ANXA8: variants seen among roughly 807,000 people sequenced by gnomAD.
The protein encoded by ANXA8 is VAC-beta.
In ANXA8, 9 loss-of-function variants were observed where a neutral mutation model predicts 26.8. The ratio of observed to expected loss-of-function variants is 0.34; its 90% CI spans 0.20 to 0.59. The LOEUF (loss-of-function observed/expected upper bound fraction) is 0.59, where lower values mean the gene tolerates loss of function less well. Ranked by LOEUF, ANXA8 falls within the 20% of genes least tolerant of loss-of-function variation. The probability of loss-of-function intolerance (pLI) is 0.84; values close to 1 mark genes in which losing one functional copy is unlikely to be tolerated. For synonymous variants in ANXA8, 39 were observed against 94.8 expected (o/e 0.41, Z 3.42); for missense variants, 83 against 238.5 (o/e 0.35, Z 4.29).
the ANXA8 span, among the ~76,000 whole-genome samples, chr10:47,940,316 G>T: frequency 6.9e-6 from 1 of 144,534 alleles, no homozygotes; most frequent in Non-Finnish European, 1.5e-5. Flanking sequence ...ACAGTAAATT[G>T]GTTTCCACCA....
the ANXA8 span, among the ~76,000 whole-genome samples, chr10:47,637,509 A>C: frequency 6.8e-6 from 1 of 146,122 alleles, no homozygotes; most frequent in Non-Finnish European, 1.5e-5. Context: ...CACTGCTTAG[A>C]ATTTGAAAGC....
the ANXA8 span, among the ~76,000 whole-genome samples, chr10:47,720,449 A>G: frequency 6.8e-6 from 1 of 147,116 alleles, no homozygotes; most frequent in African/African-American, 2.5e-5. Context: ...TGTGGAAGCT[A>G]GTAAGACATT....
the ANXA8 span, chr10:47,502,386 G>A: frequency 1.2e-6 from 2 of 1,609,780 alleles, no homozygotes; most frequent in Non-Finnish European, 1.7e-6. Context: ...GCTCAGTGCA[G>A]GGTAGTGGGG....
chr10:47,577,417 C>T, the ANXA8 span, among the ~76,000 whole-genome samples: 1 of 150,216 alleles, frequency 6.7e-6, no homozygotes, highest in African/African-American at 2.5e-5. Flanking sequence ...GCCTGTGGTC[C>T]TAGCTACTCA....
chr10:47,608,149 C>T, the ANXA8 span, among the ~76,000 whole-genome samples: 1 of 134,614 alleles, frequency 7.4e-6, no homozygotes, highest in Non-Finnish European at 1.6e-5. Context: ...AGTTCTAGAC[C>T]TCTAGAATCC....
chr10:47,905,573 C>T, the ANXA8 span, among the ~76,000 whole-genome samples: 1 of 148,882 alleles, frequency 6.7e-6, no homozygotes, highest in Non-Finnish European at 1.5e-5. Context: ...GAGGTATTTT[C>T]AATTTTTACA....
chr10:47,554,564 AC>A, the ANXA8 span, among the ~76,000 whole-genome samples: 1 of 150,520 alleles, frequency 6.6e-6, no homozygotes, highest in Non-Finnish European at 1.5e-5. Context: ...GCTACTTGGG[AC>A]GCCTACAGAG....
chr10:47,640,991 G>C, the ANXA8 span, among the ~76,000 whole-genome samples: 3 of 133,214 alleles, frequency 2.3e-5, no homozygotes, highest in Non-Finnish European at 4.6e-5. Flanking sequence ...GCATGCACAC[G>C]TAACAGTCTA....
chr10:47,487,299 T>C, upstream of ANXA8: 1 of 990,852 alleles, frequency 1.0e-6, no homozygotes, highest in Non-Finnish European at 1.4e-6. Context: ...TGTCCAGACT[T>C]TCTGCTGCAT....
chr10:47,716,621 ACTC>A, the ANXA8 span, among the ~76,000 whole-genome samples: 2 of 70,674 alleles, frequency 2.8e-5, no homozygotes, highest in Non-Finnish European at 4.9e-5. Flanking sequence ...TCAGAGAAGA[ACTC>A]CTTATTCTTA....
chr10:47,548,018 ATCATT>A, the ANXA8 span, among the ~76,000 whole-genome samples: 1 of 143,218 alleles, frequency 7.0e-6, no homozygotes, highest in South Asian at 2.3e-4. Context: ...GAACTATTCA[ATCATT>A]TCAAGTATAC....
At chr10:47,552,674 T>A in the ANXA8 span, among the ~76,000 whole-genome samples, 7 of 151,926 alleles carry the variant, frequency 4.6e-5, no homozygotes, top group African/African-American at 1.5e-4. Context: ...GGCCAATAAA[T>A]TGGTAGTCAC....
chr10:47,650,499 A>G, the ANXA8 span, among the ~76,000 whole-genome samples: 67 of 151,974 alleles, frequency 4.4e-4, no homozygotes, highest in African/African-American at 1.6e-3. Flanking sequence ...AGAAAAAAGC[A>G]AATAATCCAA....
chr10:47,552,403 TAACG>T, the ANXA8 span, among the ~76,000 whole-genome samples: 1 of 151,696 alleles, frequency 6.6e-6, no homozygotes, highest in Non-Finnish European at 1.5e-5. Context: ...TCGACTGGAC[TAACG>T]AAGTGGTTTC....
chr10:47,733,143 ATCTTTCTTTCTTTCTTTCTTTCTTTCTT>A, the ANXA8 span, among the ~76,000 whole-genome samples: 4 of 98,140 alleles, frequency 4.1e-5, no homozygotes, highest in African/African-American at 1.5e-4. Flanking sequence ...CAACTCCCTA[ATCTTTCTTTCTTTCTTTCTTTCTTTCTT>A]TCTTTCTTTC....
chr10:47,575,311 G>A, the ANXA8 span, among the ~76,000 whole-genome samples: 1 of 76,852 alleles, frequency 1.3e-5, no homozygotes, highest in Non-Finnish European at 3.1e-5. Flanking sequence ...ACAAAAGATT[G>A]TTTTATGATT....
the ANXA8 span, among the ~76,000 whole-genome samples, chr10:47,618,944 T>TTC: frequency 8.7e-6 from 1 of 115,588 alleles, no homozygotes; most frequent in African/African-American, 3.3e-5. Context: ...GCCCTCTTGC[T>TTC]TTAGTAGCTG....
the ANXA8 span, chr10:47,569,598 CTT>C: frequency 1.6e-6 from 1 of 643,426 alleles, no homozygotes; most frequent in Middle Eastern, 2.7e-4. Context: ...ATTTTTGTAT[CTT>C]TTTTTATTTT....
the ANXA8 span, among the ~76,000 whole-genome samples, chr10:47,703,396 T>G: frequency 6.6e-6 from 1 of 150,512 alleles, no homozygotes; most frequent in Non-Finnish European, 1.5e-5. Flanking sequence ...GGCAAAACCC[T>G]GTCTCTACAA....
Sources: gnomAD v4.1 joint callset for allele counts (sites outside exome capture counted in the v4.1 genomes callset) on GRCh38, gnomAD v4.1.1 for gene constraint, MANE v1.5 for transcripts, NCBI Gene and HGNC (gene_info 2026-07-23, HGNC 2026-07-21) for gene names.